PCDH15: variants seen among roughly 807,000 people sequenced by gnomAD.
PCDH15 encodes protocadherin-15.
In PCDH15, 129 loss-of-function variants were observed where a neutral mutation model predicts 178.5. That is an observed-to-expected ratio of 0.72 (90% CI 0.63 to 0.84). PCDH15 has a LOEUF of 0.84. Ranked by LOEUF, PCDH15 falls within the 40% of genes least tolerant of loss-of-function variation. The pLI is 0.00. For synonymous variants in PCDH15, 800 were observed against 732.0 expected (o/e 1.09, Z -1.50); for missense variants, 2,230 against 2,099.9 (o/e 1.06, Z -1.21).
At chr10:54,899,933 T>TA (rs1954614072) in intron 2 of PCDH15, among the ~76,000 whole-genome samples, 2 of 70,140 alleles carry the variant, frequency 2.9e-5, no homozygotes, top group South Asian at 5.6e-4. Flanking sequence ...ATAAAGTGCT[T>TA]TAAAAAAAAA....
intron 2 of PCDH15, among the ~76,000 whole-genome samples, chr10:55,589,559 A>G (rs570013334): frequency 2.0e-5 from 3 of 152,100 alleles, no homozygotes; most frequent in African/African-American, 7.2e-5. Context: ...TTCGCAACCT[A>G]CTCATCTGAC....
At chr10:54,441,839 C>T (rs566696853) in intron 3 of PCDH15, among the ~76,000 whole-genome samples, 7 of 151,694 alleles carry the variant, frequency 4.6e-5, no homozygotes, top group African/African-American at 1.2e-4. Flanking sequence ...AGGGAAAGGC[C>T]GGGGGACCTA....
chr10:54,408,162 T>C (rs546363901), intron 3 of PCDH15, among the ~76,000 whole-genome samples: 1 of 149,898 alleles, frequency 6.7e-6, no homozygotes. Context: ...ATTAGCTGTT[T>C]TTTTAAAAAA....
At chr10:54,249,166 C>T (rs1025180404) in intron 8 of PCDH15, among the ~76,000 whole-genome samples, 9 of 151,712 alleles carry the variant, frequency 5.9e-5, no homozygotes, top group Admixed American at 3.3e-4. Context: ...TCTAATTGTC[C>T]GTATATAAAC....
At chr10:55,073,048 A>G (rs1386422249) in intron 2 of PCDH15, among the ~76,000 whole-genome samples, 5 of 152,264 alleles carry the variant, frequency 3.3e-5, no homozygotes, top group Non-Finnish European at 7.4e-5. Context: ...AAATTCAACA[A>G]CTTTTCATGC....
intron 3 of PCDH15, among the ~76,000 whole-genome samples, chr10:54,889,518 T>TATATATATA (rs1564606333): frequency 1.4e-5 from 2 of 145,598 alleles, no homozygotes; most frequent in East Asian, 2.0e-4. Context: ...TATATATATA[T>TATATATATA]GATCTATATA....
intron 2 of PCDH15, among the ~76,000 whole-genome samples, chr10:55,107,791 C>T (rs1837394596): frequency 6.6e-6 from 1 of 151,418 alleles, no homozygotes; most frequent in Non-Finnish European, 1.5e-5. Flanking sequence ...ATCACCACAT[C>T]CGGCCTTACA....
At chr10:55,355,235 T>A (rs1845045133) in intron 2 of PCDH15, among the ~76,000 whole-genome samples, 3 of 152,042 alleles carry the variant, frequency 2.0e-5, no homozygotes, top group African/African-American at 7.2e-5. Context: ...GATTTTTGTG[T>A]GAAAATCAGT....
intron 8 of PCDH15, among the ~76,000 whole-genome samples, chr10:54,252,997 G>T (rs909955556): frequency 1.3e-5 from 2 of 151,880 alleles, no homozygotes; most frequent in Non-Finnish European, 2.9e-5. Context: ...TTGAATCAAA[G>T]AACCAAGGTA....
chr10:55,607,618 AATC>A (rs779027495), intron 2 of PCDH15, among the ~76,000 whole-genome samples: 28 of 148,446 alleles, frequency 1.9e-4, no homozygotes, highest in Non-Finnish European at 3.9e-4. Context: ...TGAAATTGGA[AATC>A]ATCATTCTCA....
chr10:54,082,590 A>C (rs2094450930), intron 16 of PCDH15, among the ~76,000 whole-genome samples: 1 of 152,134 alleles, frequency 6.6e-6, no homozygotes, highest in African/African-American at 2.4e-5. Flanking sequence ...CTATTACCTC[A>C]AAATGGATCA....
intron 2 of PCDH15, among the ~76,000 whole-genome samples, chr10:54,622,615 TATAA>T (rs1440865526): frequency 8.0e-5 from 8 of 99,892 alleles, no homozygotes; most frequent in African/African-American, 2.9e-4. Flanking sequence ...TATAATTATA[TATAA>T]TATATATAAT....
At chr10:53,988,134 A>G (rs1437088365) in intron 21 of PCDH15, among the ~76,000 whole-genome samples, 1 of 152,190 alleles carries the variant, frequency 6.6e-6, no homozygotes, top group Admixed American at 6.5e-5. Flanking sequence ...CAATCAAAGC[A>G]GCTGCGGCAA....
intron 2 of PCDH15, among the ~76,000 whole-genome samples, chr10:54,548,382 T>C (rs980435748): frequency 6.7e-6 from 1 of 148,306 alleles, no homozygotes; most frequent in African/African-American, 2.4e-5. Flanking sequence ...TAATTATTTA[T>C]TAAGTGTTGA....
At chr10:53,883,967 C>T (rs1231407569) in intron 26 of PCDH15, among the ~76,000 whole-genome samples, 1 of 152,166 alleles carries the variant, frequency 6.6e-6, no homozygotes, top group Non-Finnish European at 1.5e-5. Context: ...CTGCCCTCCT[C>T]GGCATCCCAA....
chr10:54,396,022 G>T (rs1233434448), intron 3 of PCDH15, among the ~76,000 whole-genome samples: 17 of 152,108 alleles, frequency 1.1e-4, no homozygotes, highest in Non-Finnish European at 2.5e-4. Flanking sequence ...CAATTAAGAA[G>T]CAGATGAAGA....
intron 16 of PCDH15, among the ~76,000 whole-genome samples, chr10:54,084,094 T>A (rs11004052): frequency 2.5e-5 from 3 of 118,750 alleles, no homozygotes; most frequent in African/African-American, 1.0e-4. Flanking sequence ...TTTTTTTTTT[T>A]TATTTTTTTG....
chr10:55,509,124 C>T (rs150530276), intron 2 of PCDH15, among the ~76,000 whole-genome samples: 3 of 151,684 alleles, frequency 2.0e-5, no homozygotes, highest in African/African-American at 7.2e-5. Context: ...AGAGATAAGT[C>T]CAACCAATCT....
intron 26 of PCDH15, among the ~76,000 whole-genome samples, chr10:53,901,178 C>T (rs918998758): frequency 2.0e-5 from 3 of 151,618 alleles, no homozygotes; most frequent in African/African-American, 4.8e-5. Context: ...TTTTGTCAAA[C>T]CCATTTTCAG....
Sources: allele counts gnomAD v4.1 joint callset (sites outside exome capture counted in the v4.1 genomes callset), GRCh38; gene constraint gnomAD v4.1.1; transcripts MANE v1.5; gene names NCBI Gene and HGNC (gene_info 2026-07-23, HGNC 2026-07-21).